The following SLC5A4 variants were observed in gnomAD, a reference collection of about 807,000 sequenced individuals.
The protein encoded by SLC5A4 is solute carrier family 5 member 4, also known as probable glucose sensor protein SLC5A4.
A neutral mutation model predicts 70.3 loss-of-function variants in SLC5A4; 55 were observed. The ratio of observed to expected loss-of-function variants is 0.78; its 90% CI spans 0.63 to 0.98. SLC5A4 has a LOEUF of 0.98. Ranked by LOEUF, SLC5A4 falls within the 50% of genes least tolerant of loss-of-function variation. The probability of loss-of-function intolerance (pLI) is 0.00; values close to 1 mark genes in which losing one functional copy is unlikely to be tolerated. For synonymous variants in SLC5A4, 268 were observed against 305.7 expected (o/e 0.88, Z 1.29); for missense variants, 735 against 839.2 (o/e 0.88, Z 1.53).
chr22:32,325,612 C>T, the SLC5A4 span, among the ~76,000 whole-genome samples: 1 of 152,340 alleles, frequency 6.6e-6, no homozygotes, highest in South Asian at 2.1e-4. Context: ...GGGGAGTTGA[C>T]ATAGAAGATC....
the SLC5A4 span, among the ~76,000 whole-genome samples, chr22:32,338,698 C>T: frequency 2.0e-5 from 3 of 152,142 alleles, no homozygotes; most frequent in African/African-American, 7.2e-5. Context: ...GAAATGGGGG[C>T]ACCCCATACT....
the SLC5A4 span, among the ~76,000 whole-genome samples, chr22:32,345,235 T>TA: frequency 2.0e-5 from 3 of 152,184 alleles, no homozygotes; most frequent in Admixed American, 6.5e-5. Context: ...TGCTACAATT[T>TA]AGAAATGTAA....
At chr22:32,271,562 G>T in the SLC5A4 span, 1 of 704,318 alleles carries the variant, frequency 1.4e-6, no homozygotes, top group Non-Finnish European at 2.6e-6. Flanking sequence ...CAGAGGAGAG[G>T]GTCGGGCCCG....
At chr22:32,327,668 G>A in the SLC5A4 span, among the ~76,000 whole-genome samples, 1 of 152,196 alleles carries the variant, frequency 6.6e-6, no homozygotes, top group Admixed American at 6.5e-5. Context: ...TGTGGTGTGA[G>A]CTCTGGTGGC....
the SLC5A4 span, among the ~76,000 whole-genome samples, chr22:32,294,555 C>T: frequency 6.6e-6 from 1 of 151,016 alleles, no homozygotes; most frequent in Admixed American, 6.7e-5. Context: ...CACCCACTTT[C>T]CTCCTGCCCC....
At chr22:32,306,293 A>C in the SLC5A4 span, among the ~76,000 whole-genome samples, 2 of 151,128 alleles carry the variant, frequency 1.3e-5, no homozygotes, top group Non-Finnish European at 3.0e-5. Flanking sequence ...GTGAAACCCT[A>C]TCTCTACTAA....
At chr22:32,330,879 T>G in the SLC5A4 span, among the ~76,000 whole-genome samples, 2 of 127,484 alleles carry the variant, frequency 1.6e-5, 1 homozygote. Context: ...GGGTCTGCTG[T>G]GTAGGAGTGT....
the SLC5A4 span, among the ~76,000 whole-genome samples, chr22:32,351,662 T>C: frequency 7.4e-6 from 1 of 135,006 alleles, no homozygotes; most frequent in Non-Finnish European, 1.6e-5. Flanking sequence ...AGATCACCAC[T>C]GCACTCCAGC....
At chr22:32,259,913 C>G (rs908143271), upstream of SLC5A4, among the ~76,000 whole-genome samples, 1 of 152,128 alleles carries the variant, frequency 6.6e-6, no homozygotes, top group African/African-American at 2.4e-5. Flanking sequence ...GGAAGTCACA[C>G]AGGGTGGAGC....
the SLC5A4 span, among the ~76,000 whole-genome samples, chr22:32,349,173 C>T: frequency 8.5e-5 from 13 of 152,156 alleles, no homozygotes; most frequent in East Asian, 1.7e-3. Flanking sequence ...CAGGGTTTCA[C>T]CATTTTAGCC....
intron 2 of SLC5A4, among the ~76,000 whole-genome samples, chr22:32,253,418 C>T (rs974871291): frequency 7.2e-5 from 11 of 152,268 alleles, no homozygotes; most frequent in African/African-American, 2.6e-4. Context: ...TGGAGAGAGC[C>T]GGGAGGCTCC....
rs775781003 is a variant in SLC5A4 at position 32,234,958 on chromosome 22, C to T, written c.800G>A (p.Arg267Gln). ...TGGAATGTCCCCAGTCACAGCATCTCGGAAGATGTGGAAGGAGTCCGCCCG... is the reference window on the plus strand; with the variant it reads ...TGGAATGTCCCCAGTCACAGCATCTTGGAAGATGTGGAAGGAGTCCGCCCG... ...TPRADSFHIFRDAVTGDIPWP... is the reference protein window; with the variant it reads ...TPRADSFHIFQDAVTGDIPWP... The change falls in exon 8 of 15, where the codon CGA becomes CAA. Residue 267 changes from arginine to glutamine, a missense_variant. Arg to Gln is a conservative substitution (Grantham distance 43). Coordinates refer to ENST00000266086, the MANE Select transcript of SLC5A4 (RefSeq NM_014227.3). 15 of 1,613,014 alleles carry T rather than the reference C, an allele frequency of 9.3e-6. No homozygotes were observed. Among genetic ancestry groups the T allele is most frequent in the Admixed American group, 3.3e-5 (2 of 59,972 alleles).
At chr22:32,333,933 GAC>G in the SLC5A4 span, among the ~76,000 whole-genome samples, 3 of 137,668 alleles carry the variant, frequency 2.2e-5, no homozygotes, top group Non-Finnish European at 3.1e-5. Flanking sequence ...CATACACATA[GAC>G]ACACGTCACA....
the SLC5A4 span, among the ~76,000 whole-genome samples, chr22:32,292,388 C>T: frequency 6.2e-4 from 91 of 146,310 alleles, no homozygotes; most frequent in Admixed American, 9.2e-4. Flanking sequence ...TATGTACATA[C>T]TAGATATATA....
In SLC5A4 at chr22:32,255,301, A is replaced by C. The variant is rs1382358092; in HGVS notation, c.29T>G (p.Ile10Arg). 3 of 1,614,010 alleles carry C rather than the reference A, an allele frequency of 1.9e-6. No individual in the cohort carries two copies. In the African/African-American group the frequency reaches 4.0e-5, roughly 22 times the overall value. Residue 10 changes from isoleucine (I) to arginine (R), a missense_variant, in exon 1 of 15, where the codon ATA becomes AGA. Transcript: ENST00000266086. ...TGGAGGTGGCTCTGGGGTCTCAGCT[A>C]TGGTGCTGGGGCTAACCGTACTGGC... The part of the protein sequence containing the change: MASTVSPST[I>R]AETPEPPPLS...
In SLC5A4 at chr22:32,251,776, T is replaced by C. The variant is rs199622522; in HGVS notation, c.306A>G (p.Glu102=). 4.4e-6 allele frequency: 7 copies of C among 1,600,926 alleles called. No homozygotes were observed. Among genetic ancestry groups the C allele is most frequent in the East Asian group, 2.2e-5 (1 of 44,798 alleles). Residue 102 remains glutamate (E), a synonymous_variant, in exon 3 of 15, where the codon GAA becomes GAG. Transcript: ENST00000266086. ...AGCCTATGATGTCACTTACAGTCCA[T>C]TCAAATGTTACGGTGGCGACTCCTG... The part of the protein sequence containing the change: ...AASGVATVTF[E]WTSSVMLLIL...
chr22:32,349,545 C>T, the SLC5A4 span, among the ~76,000 whole-genome samples: 1 of 152,308 alleles, frequency 6.6e-6, no homozygotes, highest in East Asian at 1.9e-4. Context: ...TAACCTCTGA[C>T]TTAATTTACA....
At chr22:32,335,662 CCCAGG>C in the SLC5A4 span, among the ~76,000 whole-genome samples, 1 of 152,196 alleles carries the variant, frequency 6.6e-6, no homozygotes, top group South Asian at 2.1e-4. Context: ...CCAAGCCCAG[CCCAGG>C]CGGCCCCAGA....
chr22:32,264,703 C>T, the SLC5A4 span, among the ~76,000 whole-genome samples: 1 of 152,168 alleles, frequency 6.6e-6, no homozygotes, highest in Admixed American at 6.5e-5. Context: ...AAGAAGACAT[C>T]TAAAGTTGTA....
Sources: allele counts gnomAD v4.1 joint callset (sites outside exome capture counted in the v4.1 genomes callset), GRCh38; gene constraint gnomAD v4.1.1; transcripts MANE v1.5; gene names NCBI Gene and HGNC (gene_info 2026-07-23, HGNC 2026-07-21).